Variants in FAM135A observed in about 807,000 individuals in gnomAD.
FAM135A encodes the protein protein FAM135A.
A neutral mutation model predicts 146.8 loss-of-function variants in FAM135A; 79 were observed. The observed-to-expected ratio is 0.54, with a 90% CI of 0.45 to 0.65. FAM135A has a LOEUF of 0.65. Ranked by LOEUF, FAM135A falls within the 30% of genes least tolerant of loss-of-function variation. FAM135A has a pLI of 0.00. For synonymous variants in FAM135A, 562 were observed against 603.6 expected (o/e 0.93, Z 1.01); for missense variants, 1,623 against 1,758.2 (o/e 0.92, Z 1.38).
chr6:70,427,976 A>G (rs1202692265), intron 3 of FAM135A, among the ~76,000 whole-genome samples: 1 of 152,188 alleles, frequency 6.6e-6, no homozygotes, highest in Non-Finnish European at 1.5e-5. Context: ...TATCTTCACT[A>G]TTAAAAAAGT....
chr6:70,519,710 T>A (rs1005162641), intron 12 of FAM135A, among the ~76,000 whole-genome samples: 2 of 152,104 alleles, frequency 1.3e-5, no homozygotes, highest in Non-Finnish European at 2.9e-5. Context: ...TTGGCTTTTT[T>A]AAAAAAGGTA....
chr6:70,476,321 TC>T (rs1175366890), intron 7 of FAM135A, among the ~76,000 whole-genome samples: 2 of 152,120 alleles, frequency 1.3e-5, no homozygotes, highest in Middle Eastern at 3.2e-3. Context: ...CAGGGTTTTT[TC>T]CCCCATCTCA....
At chr6:70,553,729 A>T (rs182316151) in intron 20 of FAM135A, among the ~76,000 whole-genome samples, 2 of 152,268 alleles carry the variant, frequency 1.3e-5, no homozygotes, top group East Asian at 3.9e-4. Flanking sequence ...AAATTCTTCC[A>T]AACAATTAAA....
chr6:70,539,232 A>AT (rs1276480236), intron 20 of FAM135A, among the ~76,000 whole-genome samples: 1 of 151,922 alleles, frequency 6.6e-6, no homozygotes, highest in Non-Finnish European at 1.5e-5. Context: ...ACTGAAACAG[A>AT]TTTTTTTCTT....
chr6:70,483,419 G>C (rs1307855942), intron 10 of FAM135A, among the ~76,000 whole-genome samples: 1 of 152,110 alleles, frequency 6.6e-6, no homozygotes, highest in Admixed American at 6.6e-5. Flanking sequence ...GTGTGGAAAA[G>C]ACAATCTTCT....
At chr6:70,508,470 C>T (rs1292529224) in intron 12 of FAM135A, among the ~76,000 whole-genome samples, 1 of 152,074 alleles carries the variant, frequency 6.6e-6, no homozygotes, top group Non-Finnish European at 1.5e-5. Flanking sequence ...ATTATAACAT[C>T]AGAGATGCCA....
chr6:70,538,486 C>A, intron 20 of FAM135A, 85 bp downstream of exon 20: 1 of 711,548 alleles, frequency 1.4e-6, no homozygotes. Context: ...ATCAACATGT[C>A]TTTCTAGTGG....
At chr6:70,496,447 G>A (rs1236049186) in intron 11 of FAM135A, among the ~76,000 whole-genome samples, 4 of 148,216 alleles carry the variant, frequency 2.7e-5, no homozygotes, top group Admixed American at 6.7e-5. Context: ...CTCCCATTCT[G>A]TAGGTTGCCT....
chr6:70,465,389 A>C (rs980455366), intron 5 of FAM135A, among the ~76,000 whole-genome samples: 23 of 152,094 alleles, frequency 1.5e-4, no homozygotes, highest in African/African-American at 5.6e-4. Flanking sequence ...AATACCTAGA[A>C]GTGAGATGCT....
chr6:70,519,208 T>G (rs1168185762), intron 12 of FAM135A, among the ~76,000 whole-genome samples: 2 of 152,294 alleles, frequency 1.3e-5, no homozygotes, highest in Non-Finnish European at 2.9e-5. Context: ...AAATGTGGTA[T>G]AAATAGCAAG....
chr6:70,426,129 A>AACG (rs765579834), intron 2 of FAM135A, among the ~76,000 whole-genome samples: 2 of 140,450 alleles, frequency 1.4e-5, no homozygotes, highest in Admixed American at 1.4e-4. Context: ...AAACAACAAC[A>AACG]AAAAAAAAAT....
At chr6:70,421,797 C>T (rs1035201260) in intron 2 of FAM135A, among the ~76,000 whole-genome samples, 2 of 152,084 alleles carry the variant, frequency 1.3e-5, no homozygotes, top group Non-Finnish European at 2.9e-5. Flanking sequence ...ATTCAGTCTC[C>T]GGTAAGTCAG....
intron 20 of FAM135A, among the ~76,000 whole-genome samples, chr6:70,556,392 T>A (rs1387413518): frequency 6.6e-6 from 1 of 152,224 alleles, no homozygotes; most frequent in Non-Finnish European, 1.5e-5. Context: ...TTTGTTTCTT[T>A]GGAAATAGTC....
rs764709143 is a variant in FAM135A at position 70,526,506 on chromosome 6, G to C, written c.3422G>C (p.Gly1141Ala). ...EKINSDYLRD[G>A]INMPTVCTSG... is the part of the protein sequence containing the mutation. ...ATAAACAGTGACTATCTGAGAGATG[G>C]TATAAACATGCCTACTGTCTGTACT... The change falls in exon 15 of 22, where the codon GGT becomes GCT. Residue 1141 changes from glycine (G) to alanine (A), a missense_variant. This residue lies in a region of FAM135A where 1,061 missense variants were observed against 1,113.8 expected (regional missense o/e 0.95). Coordinates refer to ENST00000418814, the MANE Select transcript of FAM135A (RefSeq NM_001162529.3). 27 of 1,613,486 alleles carry C rather than the reference G, an allele frequency of 1.7e-5. No individual in the cohort carries two copies. The highest frequency in any genetic ancestry group is 2.2e-5 in the Non-Finnish European group (26 of 1,179,674).
intron 20 of FAM135A, among the ~76,000 whole-genome samples, chr6:70,547,554 T>C (rs975343570): frequency 6.6e-6 from 1 of 152,166 alleles, no homozygotes; most frequent in Non-Finnish European, 1.5e-5. Context: ...TCAGCAGTGA[T>C]GACCAAAAAT....
intron 12 of FAM135A, among the ~76,000 whole-genome samples, chr6:70,506,778 G>A (rs977354841): frequency 5.7e-5 from 8 of 139,694 alleles, no homozygotes; most frequent in Admixed American, 7.4e-5. Flanking sequence ...TTTAGTTCCC[G>A]CAAGCAGACA....
At chr6:70,515,007 G>A (rs774565321) in intron 12 of FAM135A, among the ~76,000 whole-genome samples, 1 of 152,104 alleles carries the variant, frequency 6.6e-6, no homozygotes, top group Non-Finnish European at 1.5e-5. Flanking sequence ...TTCTGTATGG[G>A]GGAAATAAAA....
chr6:70,487,648 T>C (rs1187055743), intron 10 of FAM135A, among the ~76,000 whole-genome samples: 3 of 152,162 alleles, frequency 2.0e-5, no homozygotes, highest in Admixed American at 2.0e-4. Flanking sequence ...TCATTCTTTC[T>C]GGAACATAGT....
chr6:70,518,826 G>A (rs996684511), intron 12 of FAM135A, among the ~76,000 whole-genome samples: 1 of 152,170 alleles, frequency 6.6e-6, no homozygotes, highest in Non-Finnish European at 1.5e-5. Flanking sequence ...GAATATTATT[G>A]CTCATTAATA....
Sources: allele counts gnomAD v4.1 joint callset (sites outside exome capture counted in the v4.1 genomes callset), GRCh38; gene constraint gnomAD v4.1.1; regional missense constraint gnomAD v4.1.1; transcripts MANE v1.5; gene names NCBI Gene and HGNC (gene_info 2026-07-23, HGNC 2026-07-21).